Variants in TCF12 observed in about 807,000 individuals in gnomAD.
TCF12 encodes DNA-binding protein HTF4.
In TCF12, 45 loss-of-function variants were observed where a neutral mutation model predicts 86.0. The observed-to-expected ratio is 0.52, with a 90% CI of 0.41 to 0.67. The LOEUF (loss-of-function observed/expected upper bound fraction) is 0.67, where lower values mean the gene tolerates loss of function less well. TCF12 is among the 30% of genes least tolerant of loss of function. The probability of loss-of-function intolerance (pLI) is 0.00; values close to 1 mark genes in which losing one functional copy is unlikely to be tolerated. For synonymous variants in TCF12, 330 were observed against 299.6 expected (o/e 1.10, Z -1.05); for missense variants, 881 against 859.9 (o/e 1.02, Z -0.31).
At chr15:57,226,078 G>C (rs2058861531) in intron 8 of TCF12, among the ~76,000 whole-genome samples, 1 of 132,138 alleles carries the variant, frequency 7.6e-6, no homozygotes, top group Non-Finnish European at 1.5e-5. Flanking sequence ...AAATTACCTA[G>C]TTTTTTGAAT....
chr15:57,099,671 A>G (rs987023076), intron 5 of TCF12, among the ~76,000 whole-genome samples: 5 of 152,116 alleles, frequency 3.3e-5, no homozygotes, highest in African/African-American at 1.2e-4. Flanking sequence ...GTCGTAATCC[A>G]TTAGTGACTT....
intron 3 of TCF12, among the ~76,000 whole-genome samples, chr15:56,921,982 G>A (rs563909707): frequency 8.9e-4 from 135 of 152,026 alleles, no homozygotes; most frequent in South Asian, 1.9e-3. Flanking sequence ...TCTTAAGTAA[G>A]TGAAATGAAG....
chr15:57,048,324 C>T (rs747314901), intron 3 of TCF12, among the ~76,000 whole-genome samples: 1 of 152,088 alleles, frequency 6.6e-6, no homozygotes, highest in Non-Finnish European at 1.5e-5. Context: ...TGCAGTGGCG[C>T]GATCTCGGCT....
intron 12 of TCF12, among the ~76,000 whole-genome samples, chr15:57,243,254 A>G (rs1193478123): frequency 6.6e-6 from 1 of 152,162 alleles, no homozygotes; most frequent in Non-Finnish European, 1.5e-5. Context: ...CATGTGATCT[A>G]TTTTATTCCT....
intron 8 of TCF12, among the ~76,000 whole-genome samples, chr15:57,222,068 A>G (rs1274116235): frequency 2.0e-5 from 3 of 152,004 alleles, no homozygotes; most frequent in African/African-American, 4.8e-5. Flanking sequence ...CTCATTTTAT[A>G]GATTTATTTT....
intron 5 of TCF12, among the ~76,000 whole-genome samples, chr15:57,111,216 C>A (rs183453285): frequency 8.7e-4 from 132 of 152,218 alleles, no homozygotes; most frequent in Non-Finnish European, 1.6e-3. Flanking sequence ...TGTGTTATTT[C>A]ACCCTGGACG....
intron 3 of TCF12, among the ~76,000 whole-genome samples, chr15:57,052,950 T>C (rs1294490399): frequency 1.3e-5 from 2 of 152,216 alleles, no homozygotes; most frequent in African/African-American, 4.8e-5. Flanking sequence ...TAGATCCTGA[T>C]TGTAATTGTT....
At chr15:57,280,509 T>C (rs1434401950) in intron 19 of TCF12, among the ~76,000 whole-genome samples, 3 of 152,206 alleles carry the variant, frequency 2.0e-5, no homozygotes, top group Non-Finnish European at 2.9e-5. Context: ...TTTGTTTACT[T>C]TTTAAAAACT....
At chr15:57,152,743 T>C (rs2053853010) in intron 5 of TCF12, among the ~76,000 whole-genome samples, 1 of 152,056 alleles carries the variant, frequency 6.6e-6, no homozygotes, top group Non-Finnish European at 1.5e-5. Flanking sequence ...ATGAGAGGGA[T>C]AAATAATAAT....
chr15:56,993,022 A>G (rs747041996), intron 3 of TCF12, among the ~76,000 whole-genome samples: 3 of 152,176 alleles, frequency 2.0e-5, no homozygotes, highest in Non-Finnish European at 4.4e-5. Context: ...TCTGCAGAAT[A>G]AATAATACCA....
At chr15:57,261,807 G>C (rs148464690) in intron 16 of TCF12, among the ~76,000 whole-genome samples, 12 of 124,622 alleles carry the variant, frequency 9.6e-5, no homozygotes, top group African/African-American at 3.3e-4. Context: ...TGCTTTGTCA[G>C]CTCATTTGCT....
At chr15:56,936,504 T>C (rs1407723136) in intron 3 of TCF12, among the ~76,000 whole-genome samples, 5 of 152,200 alleles carry the variant, frequency 3.3e-5, no homozygotes, top group African/African-American at 1.2e-4. Context: ...CCTCTTTATC[T>C]TTGTTTTTGT....
chr15:57,103,517 A>T (rs2049905721), intron 5 of TCF12, among the ~76,000 whole-genome samples: 1 of 152,188 alleles, frequency 6.6e-6, no homozygotes, highest in Non-Finnish European at 1.5e-5. Flanking sequence ...GTATAAAGAA[A>T]ACAGTCCCAA....
chr15:56,938,793 T>C (rs1247462097), intron 3 of TCF12, among the ~76,000 whole-genome samples: 2 of 152,228 alleles, frequency 1.3e-5, no homozygotes, highest in South Asian at 2.1e-4. Flanking sequence ...CATTCAGGGT[T>C]AAAGCTTCCA....
chr15:57,046,666 G>A (rs2067251295), intron 3 of TCF12, among the ~76,000 whole-genome samples: 1 of 152,090 alleles, frequency 6.6e-6, no homozygotes, highest in Non-Finnish European at 1.5e-5. Flanking sequence ...ATGTTGGCCA[G>A]GCTGTTCTCG....
intron 8 of TCF12, among the ~76,000 whole-genome samples, chr15:57,206,677 T>A (rs753500852): frequency 7.4e-6 from 1 of 135,536 alleles, no homozygotes; most frequent in Non-Finnish European, 1.5e-5. Context: ...ATCCTCCACC[T>A]CCTGTACTCG....
chr15:56,943,358 A>G (rs1267042098), intron 3 of TCF12, among the ~76,000 whole-genome samples: 3 of 152,208 alleles, frequency 2.0e-5, no homozygotes, highest in Non-Finnish European at 2.9e-5. Context: ...GAGCATTAGC[A>G]TTTCTTGACA....
chr15:57,065,905 T>C (rs1328521893), intron 4 of TCF12, among the ~76,000 whole-genome samples: 1 of 152,184 alleles, frequency 6.6e-6, no homozygotes, highest in Non-Finnish European at 1.5e-5. Flanking sequence ...CACATATGTA[T>C]TTCTACCTGT....
At chr15:57,169,689 A>AT (rs140704962) in intron 6 of TCF12, among the ~76,000 whole-genome samples, 1 of 152,076 alleles carries the variant, frequency 6.6e-6, no homozygotes, top group African/African-American at 2.4e-5. Context: ...GCTAAACTTG[A>AT]GGGGGGAGAA....
Sources: allele counts gnomAD v4.1 joint callset (sites outside exome capture counted in the v4.1 genomes callset), GRCh38; gene constraint gnomAD v4.1.1; transcripts MANE v1.5; gene names NCBI Gene and HGNC (gene_info 2026-07-23, HGNC 2026-07-21).